CPNE3: variants seen among roughly 807,000 people sequenced by gnomAD.
CPNE3 encodes the protein copine-3.
Under a neutral mutation model 63.9 loss-of-function variants are expected in CPNE3, and 68 were observed. The ratio of observed to expected loss-of-function variants is 1.06; its 90% CI spans 0.87 to 1.30. The LOEUF (loss-of-function observed/expected upper bound fraction) is 1.30. Among genes scored for constraint, CPNE3 ranks in the 50% most tolerant of loss-of-function variants. CPNE3 has a pLI of 0.00. For synonymous variants in CPNE3, 219 were observed against 197.5 expected (o/e 1.11, Z -0.91); for missense variants, 665 against 578.1 (o/e 1.15, Z -1.54).
At chr8:86,525,969 G>A (rs1468710807) in intron 2 of CPNE3, among the ~76,000 whole-genome samples, 1 of 152,158 alleles carries the variant, frequency 6.6e-6, no homozygotes, top group African/African-American at 2.4e-5. Context: ...CCTGGCACGT[G>A]CCAGATTTAC....
intron 6 of CPNE3, among the ~76,000 whole-genome samples, chr8:86,532,924 C>G (rs972645973): frequency 1.3e-5 from 2 of 152,066 alleles, no homozygotes; most frequent in Admixed American, 6.5e-5. Context: ...ATCCTCTTTG[C>G]ATTCAAAGGT....
At chr8:86,542,526 TTTA>T (rs1820962778) in intron 8 of CPNE3, among the ~76,000 whole-genome samples, 1 of 152,016 alleles carries the variant, frequency 6.6e-6, no homozygotes, top group African/African-American at 2.4e-5. Context: ...TACACATATG[TTTA>T]TTATGTATAC....
At chr8:86,523,424 A>G (rs1476766716) in intron 2 of CPNE3, among the ~76,000 whole-genome samples, 3 of 152,196 alleles carry the variant, frequency 2.0e-5, no homozygotes, top group Non-Finnish European at 4.4e-5. Context: ...AGGAAGTGGT[A>G]AAATATGTTC....
In CPNE3 at chr8:86,561,027, G is replaced by T. The variant is rs967124331; in HGVS notation, c.*2617G>T. ...GTCACCTAACCTTGTGGTTAGAATTGCAATTTTAAGACCAGAAAAATTTGA... is the reference window on the plus strand; with the variant it reads ...GTCACCTAACCTTGTGGTTAGAATTTCAATTTTAAGACCAGAAAAATTTGA... On this transcript the variant is annotated 3_prime_UTR_variant, in exon 17 of 17. Transcript: ENST00000517490. 1 of 152,170 alleles carries T rather than the reference G, an allele frequency of 6.6e-6. No homozygotes were observed. Among genetic ancestry groups the T allele is most frequent in the Non-Finnish European group, 1.5e-5 (1 of 68,030 alleles). 9.4% of individuals were successfully genotyped at this position (152,170 alleles called of 1,614,324 possible).
chr8:86,544,826 C>T lies in CPNE3; in HGVS notation c.720C>T (p.Ser240=), dbSNP rs747112484. Residue 240 remains serine, a synonymous_variant, in exon 9 of 17, where the codon TCC becomes TCT. Transcript: ENST00000517490. ...QTTMTKLKEA[S]RSSPVEFECI... is the part of the protein sequence containing the mutation. ...CCATGACAAAACTGAAAGAAGCCTC[C>T]AGAAGCTCACCTGTAAGTTACATCC... 2.1e-5 allele frequency: 33 copies of T among 1,580,826 alleles called. No homozygotes were observed. The Admixed American group carries it at 5.5e-4, about 26-fold the overall frequency.
chr8:86,557,014 C>T (rs1285155778), intron 16 of CPNE3, among the ~76,000 whole-genome samples: 1 of 152,190 alleles, frequency 6.6e-6, no homozygotes, highest in Non-Finnish European at 1.5e-5. Flanking sequence ...GAGTCATATT[C>T]CATGGTATGG....
In CPNE3 at chr8:86,559,707, T is replaced by C. The variant is rs1005980801; in HGVS notation, c.*1297T>C. On this transcript the variant is annotated 3_prime_UTR_variant, in exon 17 of 17. Coordinates refer to ENST00000517490, the MANE Select transcript of CPNE3 (RefSeq NM_003909.5). Reference sequence around the variant, plus strand: ...TTACAGCGTATTACTTAGTGAACATTACATTTTCAGAATAGATCCTAATAT... The same window carrying C: ...TTACAGCGTATTACTTAGTGAACATCACATTTTCAGAATAGATCCTAATAT... 29 of 152,280 alleles carry C rather than the reference T, an allele frequency of 1.9e-4. No individual in the cohort carries two copies. The highest frequency in any genetic ancestry group is 7.0e-4 in the African/African-American group (29 of 41,566). The allele number at this position is 152,280 out of a possible 1,614,324, so 9.4% of individuals were successfully genotyped here.
intron 2 of CPNE3, among the ~76,000 whole-genome samples, chr8:86,527,958 T>TTTTTTTTTTA (rs1820575552): frequency 7.3e-6 from 1 of 136,784 alleles, no homozygotes; most frequent in Non-Finnish European, 1.6e-5. Flanking sequence ...TTTTTTTTTT[T>TTTTTTTTTTA]TTTTTTTTTT....
chr8:86,527,882 G>A (rs951552081), intron 2 of CPNE3, among the ~76,000 whole-genome samples: 1 of 149,592 alleles, frequency 6.7e-6, no homozygotes, highest in Non-Finnish European at 1.5e-5. Context: ...ACCTTTAAGT[G>A]AAGGGTCAAG....
chr8:86,547,521 C>T, intron 10 of CPNE3, 190 bp from the exon 11 acceptor site: 1 of 523,254 alleles, frequency 1.9e-6, no homozygotes. Context: ...CTACAATTAT[C>T]TTGAAGCAGA....
In CPNE3 at chr8:86,535,597, G is replaced by C. The variant is rs191435278; in HGVS notation, c.460-1966G>C. Among the ~76,000 whole-genome samples, 38 of 152,190 alleles carry C rather than the reference G, an allele frequency of 2.5e-4. 1 individual carries two copies. In the East Asian group the frequency reaches 3.3e-3, roughly 13 times the overall value. On this transcript the variant is annotated intron_variant, in intron 6 of 16. Coordinates refer to ENST00000517490, the MANE Select transcript of CPNE3 (RefSeq NM_003909.5). ...GCATGAGAATTGCTTGAACCCAGGA[G>C]GGGGAGGTTACAGTGAGCCGGGATC...
intron 9 of CPNE3, 51 bp from the exon 10 acceptor site, chr8:86,546,544 A>G (rs762730816): frequency 7.6e-6 from 12 of 1,571,466 alleles, no homozygotes; most frequent in Non-Finnish European, 1.0e-5. Flanking sequence ...TCACATTGGC[A>G]TTTCTAATAT....
chr8:86,552,502 TATC>T (rs1349649720), intron 14 of CPNE3, among the ~76,000 whole-genome samples: 7 of 152,202 alleles, frequency 4.6e-5, no homozygotes, highest in African/African-American at 1.7e-4. Context: ...ATGGATGACA[TATC>T]ATATGATAAT....
chr8:86,556,223 C>T lies in CPNE3; in HGVS notation c.1376C>T (p.Ala459Val), dbSNP rs577332024. The stretch of plus-strand genomic sequence containing the variant: ...ATCATAATTGTTGGAGTTGGAGGTG[C>T]TGACTTCAGCGCCATGGAGTTTCTG... ...MSIIIVGVGG[A>V]DFSAMEFLDG... The change falls in exon 16 of 17, where the codon GCT becomes GTT. Residue 459 changes from alanine (A) to valine (V), a missense_variant. Transcript: ENST00000517490. 3 of 873,034 alleles carry T rather than the reference C, an allele frequency of 3.4e-6. No individual in the cohort carries two copies. The South Asian group carries it at 3.9e-5, about 11-fold the overall frequency. 54.1% of individuals were successfully genotyped at this position (873,034 alleles called of 1,614,324 possible). A position where few individuals can be genotyped will look rare whatever the true frequency, so the allele number is the denominator to read the frequency against.
intron 6 of CPNE3, among the ~76,000 whole-genome samples, chr8:86,534,981 A>G (rs1477274633): frequency 1.3e-5 from 2 of 152,214 alleles, no homozygotes; most frequent in Non-Finnish European, 2.9e-5. Context: ...CTTCTCATAG[A>G]TACTTAAGTT....
At chr8:86,534,025 C>G (rs190847953) in intron 6 of CPNE3, among the ~76,000 whole-genome samples, 364 of 152,040 alleles carry the variant, frequency 2.4e-3, no homozygotes, top group Non-Finnish European at 4.2e-3. Context: ...ACTCAGGAGA[C>G]TGAGGCAGGA....
chr8:86,531,377 C>T (rs1230834665), intron 5 of CPNE3, 148 bp downstream of exon 5: 2 of 639,332 alleles, frequency 3.1e-6, no homozygotes, highest in Admixed American at 5.0e-5. Flanking sequence ...TTGTAGTTAT[C>T]ACAAATGGAA....
chr8:86,539,629 T>TCATTGCTA (rs928878965), intron 7 of CPNE3, among the ~76,000 whole-genome samples: 4 of 151,630 alleles, frequency 2.6e-5, no homozygotes, highest in Admixed American at 2.6e-4. Flanking sequence ...AATGAAACCC[T>TCATTGCTA]CATTGCTATT....
chr8:86,550,921 A>G (rs1821159300), intron 12 of CPNE3, 125 bp from the exon 13 acceptor site: 2 of 913,242 alleles, frequency 2.2e-6, no homozygotes, highest in South Asian at 4.4e-5. Context: ...GGCAGTTAAT[A>G]TAGGTAATCT....
Sources: allele counts gnomAD v4.1 joint callset (sites outside exome capture counted in the v4.1 genomes callset), GRCh38; gene constraint gnomAD v4.1.1; transcripts MANE v1.5; gene names NCBI Gene and HGNC (gene_info 2026-07-23, HGNC 2026-07-21).